The following VAPA variants were observed in gnomAD, a reference collection of about 807,000 sequenced individuals.
VAPA encodes the protein vesicle-associated membrane protein-associated protein A.
VAPA carries 6 observed loss-of-function variants against 25.6 expected under a neutral mutation model. The ratio of observed to expected loss-of-function variants is 0.23; its 90% confidence interval spans 0.13 to 0.46. VAPA has a LOEUF of 0.46. Ranked by LOEUF, VAPA falls within the 20% of genes least tolerant of loss-of-function variation. The pLI is 0.99. For missense variants in VAPA, 244 were observed against 302.1 expected (o/e 0.81, Z 1.43); for synonymous variants, 112 against 106.2 (o/e 1.05, Z -0.34).
intron 1 of VAPA, among the ~76,000 whole-genome samples, chr18:9,928,744 C>T (rs1487783084): frequency 6.6e-6 from 1 of 152,100 alleles, no homozygotes; most frequent in Non-Finnish European, 1.5e-5. Context: ...ATGGAATGCT[C>T]ATTTTAAGTG....
intron 3 of VAPA, 153 bp from the exon 4 acceptor site, chr18:9,936,833 C>T (rs982026436): frequency 1.2e-5 from 7 of 584,870 alleles, no homozygotes; most frequent in East Asian, 5.8e-5. Flanking sequence ...TGACATTAGC[C>T]GATAACAATG....
chr18:9,935,132 T>C (rs755693287), intron 2 of VAPA, among the ~76,000 whole-genome samples: 1 of 151,872 alleles, frequency 6.6e-6, no homozygotes, highest in Admixed American at 6.6e-5. Context: ...TTTTGAATGT[T>C]ATTGAGACTG....
At chr18:9,936,547 A>AAAAC (rs372021502) in intron 3 of VAPA, 15 of 203,410 alleles carry the variant, frequency 7.4e-5, no homozygotes, top group East Asian at 3.6e-4. Flanking sequence ...TGTCTCTACA[A>AAAAC]AAACAAACAA....
intron 1 of VAPA, among the ~76,000 whole-genome samples, chr18:9,925,978 C>T (rs1212433011): frequency 1.3e-5 from 2 of 152,140 alleles, no homozygotes; most frequent in African/African-American, 4.8e-5. Context: ...CCTGGTTTGA[C>T]TTCCCACTTT....
chr18:9,950,225 A>G (rs913373809), intron 4 of VAPA, 170 bp from the exon 5 acceptor site: 4 of 609,392 alleles, frequency 6.6e-6, no homozygotes, highest in Non-Finnish European at 1.1e-5. Flanking sequence ...GATTATGGGA[A>G]TAGAGGGAGT....
chr18:9,940,475 A>G (rs954674378), intron 4 of VAPA, among the ~76,000 whole-genome samples: 2 of 152,208 alleles, frequency 1.3e-5, no homozygotes, highest in Non-Finnish European at 2.9e-5. Context: ...CCAAGGTAAG[A>G]GTGGAGGCCC....
intron 4 of VAPA, among the ~76,000 whole-genome samples, chr18:9,945,639 T>C (rs1051348950): frequency 6.6e-6 from 1 of 152,148 alleles, no homozygotes; most frequent in Admixed American, 6.5e-5. Flanking sequence ...CCTGGGATTA[T>C]AGGCGTGAGC....
intron 4 of VAPA, chr18:9,947,540 A>G (rs958300959): frequency 6.6e-6 from 1 of 152,224 alleles, no homozygotes; most frequent in Non-Finnish European, 1.5e-5. Context: ...AAACTGGACA[A>G]GATTGGTTTA....
At chr18:9,928,951 G>T (rs2069226155) in intron 1 of VAPA, among the ~76,000 whole-genome samples, 1 of 152,144 alleles carries the variant, frequency 6.6e-6, no homozygotes, top group African/African-American at 2.4e-5. Context: ...ATAAGAATAT[G>T]CCGTTTTAGG....
chr18:9,950,438 A>G lies in VAPA; in HGVS notation c.461A>G (p.Lys154Arg). ...PSKAVPLNAS[K>R]QDGPMPKPHS... ...AAAGCTGTTCCACTGAATGCATCTA[A>G]GCAAGATGGACCTATGCCAAAACCA... Residue 154 changes from lysine (K) to arginine (R), a missense_variant, in exon 5 of 6, where the codon AAG becomes AGG. Physicochemically the swap from Lys to Arg is conservative, Grantham distance 26. Around this residue, in one of 2 missense-constraint regions of VAPA, gnomAD observed 145 missense variants for 140.6 expected, o/e 1.03. Coordinates refer to ENST00000400000, the MANE Select transcript of VAPA (RefSeq NM_194434.3). The G allele has an allele frequency of 6.2e-7, 1 of 1,614,158 alleles. No individual in the cohort carries two copies. Among genetic ancestry groups the G allele is most frequent in the Non-Finnish European group, 8.5e-7 (1 of 1,180,012 alleles).
intron 2 of VAPA, among the ~76,000 whole-genome samples, chr18:9,932,341 C>A (rs1379996580): frequency 6.6e-6 from 1 of 152,154 alleles, no homozygotes; most frequent in Non-Finnish European, 1.5e-5. Context: ...TGTCATAATT[C>A]TTTTGCTTAA....
At chr18:9,952,041 A>T (rs1021286873) in intron 5 of VAPA, among the ~76,000 whole-genome samples, 2 of 152,294 alleles carry the variant, frequency 1.3e-5, no homozygotes, top group East Asian at 3.9e-4. Flanking sequence ...TTTGATAAAG[A>T]TGTGCTCCTT....
rs953104543 is a variant in VAPA at position 9,957,613 on chromosome 18, C to T, written c.*3402C>T. 8 of 152,070 alleles carry T rather than the reference C, an allele frequency of 5.3e-5. No individual in the cohort carries two copies. Among genetic ancestry groups the T allele is most frequent in the South Asian group, 2.1e-4 (1 of 4,830 alleles). 9.4% of individuals were successfully genotyped at this position (152,070 alleles called of 1,614,324 possible). ...CAATGCTTATTACCATTTGGAAAAA[C>T]GAAGATCAGAAGGTAAATGATCTTT... On this transcript the variant is annotated 3_prime_UTR_variant, in exon 6 of 6. Coordinates refer to ENST00000400000, the MANE Select transcript of VAPA (RefSeq NM_194434.3).
At chr18:9,937,652 G>T (rs1463052359) in intron 4 of VAPA, among the ~76,000 whole-genome samples, 1 of 152,160 alleles carries the variant, frequency 6.6e-6, no homozygotes, top group Non-Finnish European at 1.5e-5. Flanking sequence ...TGTACCGAGT[G>T]GGTTGTAGTC....
At chr18:9,952,811 A>G (rs1209169389) in intron 5 of VAPA, among the ~76,000 whole-genome samples, 1 of 152,200 alleles carries the variant, frequency 6.6e-6, no homozygotes, top group African/African-American at 2.4e-5. Flanking sequence ...CAGGAGTATT[A>G]AAAGTTCTGT....
In VAPA at chr18:9,957,144, G is replaced by A. The variant is rs531855272; in HGVS notation, c.*2933G>A. 2 of 152,124 alleles carry A rather than the reference G, an allele frequency of 1.3e-5. No homozygotes were observed. The highest frequency in any genetic ancestry group is 4.2e-4 in the South Asian group (2 of 4,812). 9.4% of individuals were successfully genotyped at this position (152,124 alleles called of 1,614,324 possible). On this transcript the variant is annotated 3_prime_UTR_variant, in exon 6 of 6. Transcript: ENST00000400000. ...CCTCCTGGGTTCAAGTGATTCTCAT[G>A]GCTCAGCCGCCTGAGTAGCTGGGAT...
intron 4 of VAPA, among the ~76,000 whole-genome samples, chr18:9,946,783 G>C (rs1000739150): frequency 6.6e-6 from 1 of 151,970 alleles, no homozygotes; most frequent in Non-Finnish European, 1.5e-5. Flanking sequence ...TGTACACTTA[G>C]GCTACATTTA....
chr18:9,938,317 T>A (rs1003762380), intron 4 of VAPA, among the ~76,000 whole-genome samples: 1 of 152,228 alleles, frequency 6.6e-6, no homozygotes, highest in African/African-American at 2.4e-5. Flanking sequence ...CACTTTGAGA[T>A]GTGTGAAAAG....
intron 5 of VAPA, among the ~76,000 whole-genome samples, chr18:9,952,668 T>A (rs2143443513): frequency 6.6e-6 from 1 of 152,248 alleles, no homozygotes; most frequent in East Asian, 1.9e-4. Flanking sequence ...ACTTTCTTGC[T>A]CCTGTCTGTT....
Sources: allele counts gnomAD v4.1 joint callset (sites outside exome capture counted in the v4.1 genomes callset), GRCh38; gene constraint gnomAD v4.1.1; regional missense constraint gnomAD v4.1.1; transcripts MANE v1.5; gene names NCBI Gene and HGNC (gene_info 2026-07-23, HGNC 2026-07-21).